Variants in DMXL1 observed in about 807,000 individuals in gnomAD.
The protein encoded by DMXL1 is dmX-like protein 1.
Under a neutral mutation model 319.2 loss-of-function variants are expected in DMXL1, and 99 were observed. That is an observed-to-expected ratio of 0.31 (90% CI 0.26 to 0.37). DMXL1 has a LOEUF of 0.37. DMXL1 is among the 10% of genes least tolerant of loss of function. The probability of loss-of-function intolerance (pLI) is 1.00; values close to 1 mark genes in which losing one functional copy is unlikely to be tolerated. For missense variants in DMXL1, 3,745 were observed against 3,595.6 expected (o/e 1.04, Z -1.06); for synonymous variants, 1,385 against 1,235.2 (o/e 1.12, Z -2.54).
At chr5:119,227,500 G>A (rs1339452598) in intron 38 of DMXL1, among the ~76,000 whole-genome samples, 1 of 152,124 alleles carries the variant, frequency 6.6e-6, no homozygotes, top group African/African-American at 2.4e-5. Flanking sequence ...TTTTCTTGAG[G>A]TCCTCAGAAA....
intron 19 of DMXL1, among the ~76,000 whole-genome samples, chr5:119,162,689 A>G (rs1772528270): frequency 6.6e-6 from 1 of 152,242 alleles, no homozygotes; most frequent in Admixed American, 6.5e-5. Flanking sequence ...ATAGCAAGGA[A>G]TGAAACCTGG....
intron 37 of DMXL1, among the ~76,000 whole-genome samples, 162 bp from the exon 38 acceptor site, chr5:119,224,547 C>G (rs993522132): frequency 2.0e-5 from 3 of 152,050 alleles, no homozygotes; most frequent in Admixed American, 2.0e-4. Flanking sequence ...AAGAGCTGCA[C>G]TATTAAATTT....
chr5:119,090,729 AT>A (rs1458526337), intron 1 of DMXL1, among the ~76,000 whole-genome samples: 3 of 149,612 alleles, frequency 2.0e-5, no homozygotes, highest in East Asian at 2.0e-4. Context: ...TGCCTGGCTA[AT>A]TTTTTTTTGT....
At chr5:119,145,274 A>G (rs1053084258) in intron 15 of DMXL1, among the ~76,000 whole-genome samples, 1 of 151,810 alleles carries the variant, frequency 6.6e-6, no homozygotes, top group Admixed American at 6.6e-5. Context: ...CCATTTGTTC[A>G]GACTTTTTTC....
intron 42 of DMXL1, among the ~76,000 whole-genome samples, chr5:119,243,061 A>G (rs1184061054): frequency 6.6e-6 from 1 of 152,184 alleles, no homozygotes; most frequent in South Asian, 2.1e-4. Context: ...AGAATTGACC[A>G]TGAAGGGGCA....
At chr5:119,131,807 C>T (rs1764955776) in intron 10 of DMXL1, among the ~76,000 whole-genome samples, 1 of 152,174 alleles carries the variant, frequency 6.6e-6, no homozygotes. Context: ...AGCAAAGTTA[C>T]TTTTAATGCA....
chr5:119,224,513 T>C (rs1472321117), intron 37 of DMXL1, among the ~76,000 whole-genome samples, 196 bp from the exon 38 acceptor site: 1 of 152,016 alleles, frequency 6.6e-6, no homozygotes, highest in East Asian at 1.9e-4. Flanking sequence ...TAGTCAGTAA[T>C]GCCCAAAATA....
chr5:119,123,249 G>A (rs111925524), intron 9 of DMXL1, among the ~76,000 whole-genome samples: 114 of 151,884 alleles, frequency 7.5e-4, no homozygotes, highest in African/African-American at 2.4e-3. Flanking sequence ...CCGAGATGGC[G>A]GCAGTACAGT....
At chr5:119,115,157 C>A (rs1760557424) in intron 6 of DMXL1, among the ~76,000 whole-genome samples, 1 of 152,158 alleles carries the variant, frequency 6.6e-6, no homozygotes, top group East Asian at 1.9e-4. Context: ...GATAAAAACA[C>A]CTACCTCATA....
chr5:119,159,690 C>T (rs955271188), intron 19 of DMXL1, among the ~76,000 whole-genome samples: 2 of 152,178 alleles, frequency 1.3e-5, no homozygotes, highest in Non-Finnish European at 2.9e-5. Flanking sequence ...CGTGGCGCCT[C>T]GCAGCTCACT....
At chr5:119,180,403 A>T (rs1248905089) in intron 28 of DMXL1, among the ~76,000 whole-genome samples, 1 of 152,036 alleles carries the variant, frequency 6.6e-6, no homozygotes, top group East Asian at 1.9e-4. Flanking sequence ...CTTCTCCAGA[A>T]ACCTGATACC....
chr5:119,237,984 C>G (rs1239703496), intron 40 of DMXL1, among the ~76,000 whole-genome samples: 2 of 151,952 alleles, frequency 1.3e-5, no homozygotes, highest in Non-Finnish European at 2.9e-5. Flanking sequence ...GGTTAAGATT[C>G]TGGTAATTTG....
At chr5:119,121,598 G>T (rs1052428932) in intron 9 of DMXL1, among the ~76,000 whole-genome samples, 2 of 152,130 alleles carry the variant, frequency 1.3e-5, no homozygotes, top group African/African-American at 2.4e-5. Context: ...AGGGTTGGGG[G>T]TAAGGTCACA....
At chr5:119,187,663 T>G (rs1381188898) in intron 28 of DMXL1, among the ~76,000 whole-genome samples, 1 of 152,088 alleles carries the variant, frequency 6.6e-6, no homozygotes, top group Non-Finnish European at 1.5e-5. Flanking sequence ...AAGTGTTGTT[T>G]TTGTTGTTGT....
intron 13 of DMXL1, among the ~76,000 whole-genome samples, chr5:119,142,286 CTA>C (rs891292133): frequency 6.6e-6 from 1 of 151,792 alleles, no homozygotes; most frequent in Non-Finnish European, 1.5e-5. Context: ...TATTTGCAAA[CTA>C]TGCATCTGAG....
intron 27 of DMXL1, 30 bp from the exon 28 acceptor site, chr5:119,177,966 A>C (rs1776121339): frequency 1.3e-6 from 2 of 1,542,606 alleles, no homozygotes; most frequent in South Asian, 2.6e-5. Flanking sequence ...ATTTATAGTC[A>C]GTGACAGCTA....
At chr5:119,202,145 T>G (rs1057087124) in intron 32 of DMXL1, among the ~76,000 whole-genome samples, 1 of 152,236 alleles carries the variant, frequency 6.6e-6, no homozygotes, top group Non-Finnish European at 1.5e-5. Flanking sequence ...TCTCTGATAT[T>G]TTCCATTATG....
At chr5:119,226,986 T>G (rs1260453585) in intron 38 of DMXL1, among the ~76,000 whole-genome samples, 1 of 152,158 alleles carries the variant, frequency 6.6e-6, no homozygotes, top group Non-Finnish European at 1.5e-5. Context: ...TCAGATCTCC[T>G]TGTTCAAGAG....
intron 2 of DMXL1, among the ~76,000 whole-genome samples, chr5:119,101,216 G>GAA (rs1561579816): frequency 6.6e-6 from 1 of 152,188 alleles, no homozygotes; most frequent in Non-Finnish European, 1.5e-5. Flanking sequence ...TATATCCTAA[G>GAA]AATTCAGAAG....
Sources: allele counts gnomAD v4.1 joint callset (sites outside exome capture counted in the v4.1 genomes callset), GRCh38; gene constraint gnomAD v4.1.1; transcripts MANE v1.5; gene names NCBI Gene and HGNC (gene_info 2026-07-23, HGNC 2026-07-21).